SLC44A1: variants seen among roughly 807,000 people sequenced by gnomAD.
SLC44A1 encodes the protein solute carrier family 44 member 1, also known as choline transporter-like protein 1.
In SLC44A1, 26 loss-of-function variants were observed where a neutral mutation model predicts 79.3. That is an observed-to-expected ratio of 0.33 (90% CI 0.24 to 0.46). SLC44A1 has a LOEUF of 0.46. Among genes scored for constraint, SLC44A1 ranks in the 20% least tolerant of loss-of-function variants. The pLI is 1.00. For missense variants in SLC44A1, 688 were observed against 798.1 expected, an observed-to-expected ratio of 0.86 and a Z score of 1.66; for synonymous variants, 263 against 286.2, an observed-to-expected ratio of 0.92 and a Z score of 0.82.
rs139247258 is a variant in SLC44A1 at position 105,311,966 on chromosome 9, G to A, written c.269+2100G>A. 2.5e-3 allele frequency among the ~76,000 whole-genome samples: 374 copies of A among 151,738 alleles called. 6 individuals carry two copies. The highest frequency in any genetic ancestry group is 0.021 in the Admixed American group (326 of 15,256). On this transcript the variant is annotated intron_variant, in intron 3 of 15. Transcript: ENST00000374720. ...TTCCTTCCTTTACACTTATTTCCTC[G>A]TACTTCTTTGCTTCCTTATGAACTG... is the stretch of plus-strand genomic sequence containing the variant.
intron 15 of SLC44A1, among the ~76,000 whole-genome samples, chr9:105,416,342 C>T (rs1416083178): frequency 6.6e-6 from 1 of 151,524 alleles, no homozygotes; most frequent in African/African-American, 2.4e-5. Context: ...ATTGGTTCTT[C>T]TACTTTCCTG....
intron 15 of SLC44A1, chr9:105,385,847 G>A: frequency 1.0e-6 from 1 of 985,306 alleles, no homozygotes; most frequent in Non-Finnish European, 1.2e-6. Flanking sequence ...GAACATTTTG[G>A]TGTACACTTG....
chr9:105,299,826 C>G, intron 2 of SLC44A1: 6 of 986,660 alleles, frequency 6.1e-6, no homozygotes, highest in Non-Finnish European at 7.2e-6. Flanking sequence ...CCAACGGCCC[C>G]TGCTGCCTGC....
chr9:105,277,813 A>G (rs929336099), intron 1 of SLC44A1, among the ~76,000 whole-genome samples: 1 of 152,172 alleles, frequency 6.6e-6, no homozygotes, highest in Non-Finnish European at 1.5e-5. Context: ...TTGTTGACAC[A>G]AGAGTACTAA....
intron 15 of SLC44A1, among the ~76,000 whole-genome samples, chr9:105,432,102 A>G (rs1172674132): frequency 6.6e-6 from 1 of 152,120 alleles, no homozygotes; most frequent in Admixed American, 6.5e-5. Flanking sequence ...TTTTATTTTT[A>G]GTAGAGACGG....
chr9:105,327,028 G>A (rs1826599993), intron 3 of SLC44A1, among the ~76,000 whole-genome samples: 1 of 152,200 alleles, frequency 6.6e-6, no homozygotes, highest in Admixed American at 6.5e-5. Flanking sequence ...AGTCTGAGAT[G>A]CTAAGCATTA....
At chr9:105,436,649 G>A (rs905903694) in intron 15 of SLC44A1, among the ~76,000 whole-genome samples, 4 of 152,152 alleles carry the variant, frequency 2.6e-5, no homozygotes, top group Non-Finnish European at 4.4e-5. Flanking sequence ...TGGAAAATAG[G>A]AAGCCATTGC....
At chr9:105,368,887 A>C (rs1828018959) in intron 12 of SLC44A1, among the ~76,000 whole-genome samples, 1 of 151,996 alleles carries the variant, frequency 6.6e-6, no homozygotes, top group Non-Finnish European at 1.5e-5. Context: ...AAAATACAAA[A>C]ATTAGCCAGG....
chr9:105,396,054 G>A lies in SLC44A1; in HGVS notation c.*6998G>A. 1.0e-6 allele frequency: 1 copy of A among 985,262 alleles called. No homozygotes were observed. Among genetic ancestry groups the A allele is most frequent in the Non-Finnish European group, 1.2e-6 (1 of 829,892 alleles). The allele number at this position is 985,262 out of a possible 1,614,324, so 61.0% of individuals were successfully genotyped here. A position where few individuals can be genotyped will look rare whatever the true frequency, so the allele number is the denominator to read the frequency against. On this transcript the variant is annotated 3_prime_UTR_variant, in exon 16 of 16. Coordinates refer to ENST00000374720, the MANE Select transcript of SLC44A1 (RefSeq NM_080546.5). ...GTCTGTGCTCAGAACTTGGTTTTTG[G>A]CCCCTATTGTTTTTGCCTATTTTGA...
chr9:105,359,704 T>C (rs990051675), intron 7 of SLC44A1, among the ~76,000 whole-genome samples: 1 of 152,174 alleles, frequency 6.6e-6, no homozygotes, highest in African/African-American at 2.4e-5. Flanking sequence ...AGGAAACATA[T>C]TTTCTTCCAT....
intron 14 of SLC44A1, 118 bp downstream of exon 14, chr9:105,383,477 C>T: frequency 1.5e-6 from 1 of 667,576 alleles, no homozygotes; most frequent in Non-Finnish European, 2.6e-6. Flanking sequence ...TAGAATTAAC[C>T]CCATAGCACT....
chr9:105,262,600 G>A (rs2131215210), intron 1 of SLC44A1, among the ~76,000 whole-genome samples: 1 of 152,284 alleles, frequency 6.6e-6, no homozygotes, highest in South Asian at 2.1e-4. Flanking sequence ...TTGCTCTTAT[G>A]TGTTTATGAC....
intron 1 of SLC44A1, among the ~76,000 whole-genome samples, chr9:105,270,365 C>T (rs911561771): frequency 6.6e-6 from 1 of 152,196 alleles, no homozygotes; most frequent in Non-Finnish European, 1.5e-5. Flanking sequence ...TAGCTGCCTA[C>T]AGTTCTTTCT....
chr9:105,366,236 G>A, intron 11 of SLC44A1, 110 bp from the exon 12 acceptor site: 1 of 490,060 alleles, frequency 2.0e-6, no homozygotes, highest in Non-Finnish European at 3.6e-6. Flanking sequence ...AGGCTTTGAA[G>A]CATAAATTGT....
intron 15 of SLC44A1, among the ~76,000 whole-genome samples, chr9:105,406,386 A>G (rs555314494): frequency 5.8e-4 from 89 of 152,334 alleles, no homozygotes; most frequent in African/African-American, 2.1e-3. Flanking sequence ...CCAGTTTTCA[A>G]CAACAAGAAA....
intron 1 of SLC44A1, among the ~76,000 whole-genome samples, chr9:105,276,234 A>G (rs1450668558): frequency 6.6e-6 from 1 of 152,194 alleles, no homozygotes; most frequent in South Asian, 2.1e-4. Flanking sequence ...CAGCCTAGCC[A>G]TATGACTGCA....
chr9:105,299,378 A>C, intron 2 of SLC44A1, 69 bp downstream of exon 2: 2 of 1,057,884 alleles, frequency 1.9e-6, no homozygotes, highest in South Asian at 3.3e-5. Context: ...AGTTGTTTTA[A>C]TGAGGGCAGT....
chr9:105,382,470 C>T (rs565722162), intron 13 of SLC44A1, among the ~76,000 whole-genome samples: 1 of 152,176 alleles, frequency 6.6e-6, no homozygotes, highest in East Asian at 1.9e-4. Context: ...TTATATTTAC[C>T]ACATATTCTA....
intron 11 of SLC44A1, among the ~76,000 whole-genome samples, chr9:105,366,083 T>A (rs752886889): frequency 1.1e-4 from 17 of 152,146 alleles, no homozygotes; most frequent in Non-Finnish European, 2.4e-4. Context: ...TGTTTGGTAT[T>A]TTTTTTCTCC....
Sources: gnomAD v4.1 joint callset for allele counts (sites outside exome capture counted in the v4.1 genomes callset) on GRCh38, gnomAD v4.1.1 for gene constraint, MANE v1.5 for transcripts, NCBI Gene and HGNC (gene_info 2026-07-23, HGNC 2026-07-21) for gene names.